Variants in MLEC observed in about 807,000 individuals in gnomAD.
The protein encoded by MLEC is oligosaccharyltransferase complex subunit (non-catalytic).
Under a neutral mutation model 28.7 loss-of-function variants are expected in MLEC, and 7 were observed. The ratio of observed to expected loss-of-function variants is 0.24; its 90% confidence interval spans 0.14 to 0.46. MLEC has a LOEUF of 0.46. Among genes scored for constraint, MLEC ranks in the 20% least tolerant of loss-of-function variants. MLEC has a pLI of 0.99. For missense variants in MLEC, 237 were observed against 391.1 expected (o/e 0.61, Z 3.32); for synonymous variants, 142 against 164.4 (o/e 0.86, Z 1.04).
Position 120,699,378 on chromosome 12 carries a change from A to C in MLEC, c.*2833A>C, listed in dbSNP as rs1288467185. On this transcript the variant is annotated 3_prime_UTR_variant, in exon 5 of 5. Transcript: ENST00000228506. ...ATCCCACTGAGCCCAGCTGACTGAAAACAAGGACAGTCAGGGTGAAACTTC... is the reference window on the plus strand; with the variant it reads ...ATCCCACTGAGCCCAGCTGACTGAACACAAGGACAGTCAGGGTGAAACTTC... The C allele has an allele frequency of 2.5e-4, 38 of 152,474 alleles. No individual in the cohort carries two copies. The highest frequency in any genetic ancestry group is 2.5e-3 in the Admixed American group (38 of 15,280). 9.4% of individuals were successfully genotyped at this position (152,474 alleles called of 1,614,324 possible).
rs968285424 is a variant in MLEC at position 120,701,333 on chromosome 12, G to C, written c.*4788G>C. 6.6e-6 allele frequency: 1 copy of C among 152,538 alleles called. No homozygotes were observed. Among genetic ancestry groups the C allele is most frequent in the Non-Finnish European group, 1.5e-5 (1 of 68,030 alleles). 9.4% of individuals were successfully genotyped at this position (152,538 alleles called of 1,614,324 possible). On this transcript the variant is annotated 3_prime_UTR_variant, in exon 5 of 5. Coordinates refer to ENST00000228506, the MANE Select transcript of MLEC (RefSeq NM_014730.4). This position sits in a 1 kb window ranked among gnomAD's most constrained non-coding sequence, Gnocchi z 4.0. ...CTTCCCTGGTGTGTTGTGATCCAGG[G>C]AATGAAAAGAAATTTGACCCTGGAT... is the stretch of plus-strand genomic sequence containing the variant.
Position 120,687,180 on chromosome 12 carries a change from A to G in MLEC, c.-117A>G, listed in dbSNP as rs1454498890. 29 of 1,151,414 alleles carry G rather than the reference A, an allele frequency of 2.5e-5. No individual in the cohort carries two copies. The highest frequency in any genetic ancestry group is 1.5e-5 in the Non-Finnish European group (14 of 904,662). The allele number at this position is 1,151,414 out of a possible 1,614,324, so 71.3% of individuals were successfully genotyped here. On this transcript the variant is annotated 5_prime_UTR_variant, in exon 1 of 5. The change abolishes an upstream ATG in the 5' untranslated region. Transcript: ENST00000228506. This position sits in a 1 kb window ranked among gnomAD's most constrained non-coding sequence, Gnocchi z 8.1. ...GAGAAGAAGGAGGCCTGAGAGCGAC[A>G]TGTCCCCGGCGGCTCAGGCGGAGCG...
At position 120,696,635 on chromosome 12, in the gene MLEC, A is replaced by G. The variant is rs1882249628; in HGVS notation, c.*90A>G. On this transcript the variant is annotated 3_prime_UTR_variant, in exon 5 of 5. Transcript: ENST00000228506. This position sits in a 1 kb window ranked among gnomAD's most constrained non-coding sequence, Gnocchi z 5.4. ...GTTTCTGTATTTTTCACAATGATTA[A>G]TGAACAAAAACAAAGAGAAAAAAAC... The G allele has an allele frequency of 1.3e-6, 2 of 1,533,168 alleles. No homozygotes were observed. The highest frequency in any genetic ancestry group is 2.5e-5 in the South Asian group (2 of 80,818). The allele number at this position is 1,533,168 out of a possible 1,614,324, so 95.0% of individuals were successfully genotyped here. A position where few individuals can be genotyped will look rare whatever the true frequency, so the allele number is the denominator to read the frequency against.
At chr12:120,690,415 G>C (rs900958835) in intron 1 of MLEC, among the ~76,000 whole-genome samples, 1 of 152,192 alleles carries the variant, frequency 6.6e-6, no homozygotes, top group Admixed American at 6.5e-5. Context: ...TGAGTTTAGG[G>C]AAGGCTATTT....
rs116020687 is a variant in MLEC at position 120,690,879 on chromosome 12, A to G, written c.236-3212A>G. Among the ~76,000 whole-genome samples the G allele has an allele frequency of 2.2e-3, 332 of 152,344 alleles. 1 individual carries two copies. Among genetic ancestry groups the G allele is most frequent in the African/African-American group, 7.8e-3 (324 of 41,582 alleles). On this transcript the variant is annotated intron_variant, in intron 1 of 4. Coordinates refer to ENST00000228506, the MANE Select transcript of MLEC (RefSeq NM_014730.4). ...TACTGTCACCTAACAGGCAGGCTTCATCTGCAGGCCTTCCAAATAGTGGAA... is the reference window on the plus strand; with the variant it reads ...TACTGTCACCTAACAGGCAGGCTTCGTCTGCAGGCCTTCCAAATAGTGGAA...
chr12:120,687,532 G>A lies in MLEC; in HGVS notation c.235+1G>A, dbSNP rs1592913370. Reference sequence around the variant, plus strand: ...CCTTTGGAAGGCCGGGTGGGCCGAGGTGAGAGTCCCCCTGCCGAGCCGCGG... The same window carrying A: ...CCTTTGGAAGGCCGGGTGGGCCGAGATGAGAGTCCCCCTGCCGAGCCGCGG... On this transcript the variant is annotated splice_donor_variant, in intron 1 of 4. Coordinates refer to ENST00000228506, the MANE Select transcript of MLEC (RefSeq NM_014730.4). LOFTEE classifies it high-confidence loss of function. The surrounding 1 kb of genome is among the most constrained non-coding windows in gnomAD (Gnocchi z 8.1). The A allele has an allele frequency of 6.7e-7, 1 of 1,494,246 alleles. No individual in the cohort carries two copies. The highest frequency in any genetic ancestry group is 8.9e-7 in the Non-Finnish European group (1 of 1,123,100). 92.6% of individuals were successfully genotyped at this position (1,494,246 alleles called of 1,614,324 possible).
chr12:120,693,934 G>A (rs1254650827), intron 1 of MLEC, 157 bp from the exon 2 acceptor site: 4 of 601,304 alleles, frequency 6.7e-6, no homozygotes, highest in Admixed American at 3.0e-5. Flanking sequence ...TCCTGCCTTT[G>A]TTGGAGCTCT....
rs945251904 is a variant in MLEC, at chr12:120,694,688, C to T, written c.415-136C>T. 1 of 851,612 alleles carries T rather than the reference C, an allele frequency of 1.2e-6. No homozygotes were observed. Among genetic ancestry groups the T allele is most frequent in the East Asian group, 2.6e-5 (1 of 38,558 alleles). The allele number at this position is 851,612 out of a possible 1,614,324, so 52.8% of individuals were successfully genotyped here. On this transcript the variant is annotated intron_variant, in intron 2 of 4. Transcript: ENST00000228506. This position sits in a 1 kb window ranked among gnomAD's most constrained non-coding sequence, Gnocchi z 4.5. Reference sequence around the variant, plus strand: ...ATTTGACCCGGGTTAAGGATGCTAACCACCCTGGATATCCAGACCCATCAT... The same window carrying T: ...ATTTGACCCGGGTTAAGGATGCTAATCACCCTGGATATCCAGACCCATCAT...
intron 1 of MLEC, among the ~76,000 whole-genome samples, chr12:120,692,031 G>A (rs1882056007): frequency 6.6e-6 from 1 of 152,204 alleles, no homozygotes; most frequent in South Asian, 2.1e-4. Context: ...GTGGTGATGC[G>A]TGCCTGTAAT....
At position 120,687,410 on chromosome 12, in the gene MLEC, C is replaced by T. The variant is rs1195174652; in HGVS notation, c.114C>T (p.Gly38=). Residue 38 remains glycine, a synonymous_variant, in exon 1 of 5, where the codon GGC becomes GGT. Coordinates refer to ENST00000228506, the MANE Select transcript of MLEC (RefSeq NM_014730.4). This position sits in a 1 kb window ranked among gnomAD's most constrained non-coding sequence, Gnocchi z 8.1. ...GPGLGVAGVA[G]AAGAGLPESV... Reference sequence around the variant, plus strand: ...GGCTCGGCGTGGCCGGCGTGGCCGGCGCGGCGGGGGCCGGGCTGCCCGAGA... The same window carrying T: ...GGCTCGGCGTGGCCGGCGTGGCCGGTGCGGCGGGGGCCGGGCTGCCCGAGA... The T allele has an allele frequency of 2.9e-6, 4 of 1,390,772 alleles. No homozygotes were observed. The highest frequency in any genetic ancestry group is 2.8e-6 in the Non-Finnish European group (3 of 1,074,252). 86.2% of individuals were successfully genotyped at this position (1,390,772 alleles called of 1,614,324 possible). A position where few individuals can be genotyped will look rare whatever the true frequency, so the allele number is the denominator to read the frequency against.
intron 4 of MLEC, 41 bp downstream of exon 4, chr12:120,695,193 G>A: frequency 6.2e-7 from 1 of 1,610,248 alleles, no homozygotes; most frequent in Middle Eastern, 1.7e-4. Context: ...TTGAGTGGAG[G>A]GATATGGTTG....
chr12:120,692,911 A>G (rs1592916925), intron 1 of MLEC, among the ~76,000 whole-genome samples: 1 of 152,108 alleles, frequency 6.6e-6, no homozygotes, highest in East Asian at 1.9e-4. Context: ...CTGAAATGTG[A>G]TATCTTATAT....
In MLEC at chr12:120,687,619, G is replaced by C. The variant is rs945530447; in HGVS notation, c.235+88G>C. On this transcript the variant is annotated intron_variant, in intron 1 of 4. Coordinates refer to ENST00000228506, the MANE Select transcript of MLEC (RefSeq NM_014730.4). The surrounding 1 kb of genome is among the most constrained non-coding windows in gnomAD (Gnocchi z 8.1). ...GGGCTGCGGGCCCCGAGCCCCTTTCGACCCTGGGGCCGCGTCTCTGGAGCG... is the reference window on the plus strand; with the variant it reads ...GGGCTGCGGGCCCCGAGCCCCTTTCCACCCTGGGGCCGCGTCTCTGGAGCG... The C allele has an allele frequency of 9.4e-7, 1 of 1,059,704 alleles. No homozygotes were observed. The highest frequency in any genetic ancestry group is 1.3e-6 in the Non-Finnish European group (1 of 776,458). The allele number at this position is 1,059,704 out of a possible 1,614,324, so 65.6% of individuals were successfully genotyped here. A position where few individuals can be genotyped will look rare whatever the true frequency, so the allele number is the denominator to read the frequency against.
In MLEC at chr12:120,700,254, G is replaced by A. The variant is rs1025697097; in HGVS notation, c.*3709G>A. On this transcript the variant is annotated 3_prime_UTR_variant, in exon 5 of 5. Transcript: ENST00000228506. The surrounding 1 kb of genome is among the most constrained non-coding windows in gnomAD (Gnocchi z 4.0). The stretch of plus-strand genomic sequence containing the variant: ...TTCAGGTTTGGGCAGGGGTCCTATA[G>A]TCCCTGCCATGGGGCTGCTTCCCTG... 2.6e-5 allele frequency: 4 copies of A among 152,806 alleles called. No individual in the cohort carries two copies. Among genetic ancestry groups the A allele is most frequent in the Admixed American group, 6.5e-5 (1 of 15,284 alleles). 9.5% of individuals were successfully genotyped at this position (152,806 alleles called of 1,614,324 possible).
At chr12:120,693,958 T>G in intron 1 of MLEC, 133 bp from the exon 2 acceptor site, 1 of 704,702 alleles carries the variant, frequency 1.4e-6, no homozygotes, top group Non-Finnish European at 2.3e-6. Flanking sequence ...TGGAGCCAGG[T>G]GCAGAGTGGG....
rs759593669 is a variant in MLEC, at chr12:120,695,161, T to C, written c.649+9T>C. On this transcript the variant is annotated intron_variant, in intron 4 of 4. Transcript: ENST00000228506. ...GGCTGGGACAGTGGATGGTAGGTTG[T>C]GTTCTGACCTGCTTTTTTGACTTGA... is the stretch of plus-strand genomic sequence containing the variant. 6.2e-7 allele frequency: 1 copy of C among 1,614,162 alleles called. No homozygotes were observed. Among genetic ancestry groups the C allele is most frequent in the East Asian group, 2.2e-5 (1 of 44,880 alleles).
chr12:120,687,678 T>C lies in MLEC; in HGVS notation c.235+147T>C. 1.8e-6 allele frequency: 1 copy of C among 541,746 alleles called. No homozygotes were observed. Among genetic ancestry groups the C allele is most frequent in the African/African-American group, 2.0e-5 (1 of 50,246 alleles). The allele number at this position is 541,746 out of a possible 1,614,324, so 33.6% of individuals were successfully genotyped here. A position where few individuals can be genotyped will look rare whatever the true frequency, so the allele number is the denominator to read the frequency against. Reference sequence around the variant, plus strand: ...CTCTGCAGCTTCTTCGGGGGCCCGCTCTGAGCTCAGGGCCTGGCACTGGCT... The same window carrying C: ...CTCTGCAGCTTCTTCGGGGGCCCGCCCTGAGCTCAGGGCCTGGCACTGGCT... On this transcript the variant is annotated intron_variant, in intron 1 of 4. Transcript: ENST00000228506. This position sits in a 1 kb window ranked among gnomAD's most constrained non-coding sequence, Gnocchi z 8.1.
chr12:120,695,222 A>T, intron 4 of MLEC, 70 bp downstream of exon 4: 2 of 1,541,622 alleles, frequency 1.3e-6, no homozygotes, highest in Non-Finnish European at 1.8e-6. Context: ...CTTGGGAGGT[A>T]ATTGAGCTGA....
At position 120,694,029 on chromosome 12, in the gene MLEC, G is replaced by C; in HGVS notation, c.236-62G>C. Reference sequence around the variant, plus strand: ...CTGGAAATGCCTCTGGCTGTTCTGGGGTCTTTGCTTTTCTTTTGTGTCTTG... The same window carrying C: ...CTGGAAATGCCTCTGGCTGTTCTGGCGTCTTTGCTTTTCTTTTGTGTCTTG... On this transcript the variant is annotated intron_variant, in intron 1 of 4. Transcript: ENST00000228506. This position sits in a 1 kb window ranked among gnomAD's most constrained non-coding sequence, Gnocchi z 4.5. 6.7e-7 allele frequency: 1 copy of C among 1,501,536 alleles called. No individual in the cohort carries two copies. Among genetic ancestry groups the C allele is most frequent in the Non-Finnish European group, 9.1e-7 (1 of 1,104,038 alleles). 93.0% of individuals were successfully genotyped at this position (1,501,536 alleles called of 1,614,324 possible).
Sources: gnomAD v4.1 joint callset for allele counts (sites outside exome capture counted in the v4.1 genomes callset) on GRCh38, gnomAD v4.1.1 for gene constraint, Gnocchi (gnomAD v3.1) non-coding constraint, MANE v1.5 for transcripts, NCBI Gene and HGNC (gene_info 2026-07-23, HGNC 2026-07-21) for gene names.